The following MBD5 variants were observed in gnomAD, a reference collection of about 807,000 sequenced individuals.
MBD5 encodes the protein methyl-CpG-binding domain protein 5.
In MBD5, 13 loss-of-function variants were observed where a neutral mutation model predicts 117.3. That is an observed-to-expected ratio of 0.11 (90% CI 0.07 to 0.18). The LOEUF (loss-of-function observed/expected upper bound fraction) is 0.18. Ranked by LOEUF, MBD5 falls within the 10% of genes least tolerant of loss-of-function variation. MBD5 has a pLI of 1.00. For synonymous variants in MBD5, 727 were observed against 766.4 expected, an observed-to-expected ratio of 0.95 and a Z score of 0.85; for missense variants, 1,879 against 2,093.8, an observed-to-expected ratio of 0.90 and a Z score of 2.00.
Position 148,115,698 on chromosome 2 carries a change from T to A in MBD5, c.-924-63002T>A, listed in dbSNP as rs561277628. 2.0e-5 allele frequency among the ~76,000 whole-genome samples: 3 copies of A among 152,324 alleles called. No homozygotes were observed. The South Asian group carries it at 6.2e-4, about 32-fold the overall frequency. The stretch of plus-strand genomic sequence containing the variant: ...TAATTTATCATATCTTTTGCTGCAT[T>A]TACATTTTATATTTTCATTTACTCA... On this transcript the variant is annotated intron_variant, in intron 1 of 13. Coordinates refer to ENST00000642680, the MANE Select transcript of MBD5 (RefSeq NM_001378120.1).
intron 2 of MBD5, among the ~76,000 whole-genome samples, chr2:148,200,093 C>T (rs1464842760): frequency 6.6e-6 from 1 of 152,010 alleles, no homozygotes; most frequent in East Asian, 1.9e-4. Flanking sequence ...GTTTCCTCAC[C>T]TTCTTTAAAC....
At chr2:148,127,664 G>GCA (rs1242001461) in intron 1 of MBD5, among the ~76,000 whole-genome samples, 1 of 152,076 alleles carries the variant, frequency 6.6e-6, no homozygotes, top group Non-Finnish European at 1.5e-5. Context: ...CCATGTCTTT[G>GCA]CTATTGTGGA....
chr2:148,280,146 A>AG (rs549405899), intron 3 of MBD5, among the ~76,000 whole-genome samples: 78 of 150,636 alleles, frequency 5.2e-4, no homozygotes, highest in Non-Finnish European at 8.9e-4. Context: ...AAAAAAAAAA[A>AG]AAAACAAAAA....
chr2:148,303,600 G>A (rs1701822919), intron 3 of MBD5, among the ~76,000 whole-genome samples: 1 of 152,102 alleles, frequency 6.6e-6, no homozygotes, highest in African/African-American at 2.4e-5. Flanking sequence ...AAAAATAAAA[G>A]CATATATTCT....
At chr2:148,079,772 G>C (rs996220655) in intron 1 of MBD5, among the ~76,000 whole-genome samples, 6 of 152,006 alleles carry the variant, frequency 3.9e-5, no homozygotes, top group East Asian at 3.9e-4. Context: ...TAGTAGAATA[G>C]CTTAACCCCG....
At chr2:148,071,704 G>A (rs898269586) in intron 1 of MBD5, 6 of 152,074 alleles carry the variant, frequency 3.9e-5, no homozygotes, top group Middle Eastern at 3.4e-3. Flanking sequence ...AGTTTTCTCC[G>A]GCTTCCCTCT....
At chr2:148,396,309 G>C (rs1386969231) in intron 4 of MBD5, among the ~76,000 whole-genome samples, 1 of 152,148 alleles carries the variant, frequency 6.6e-6, no homozygotes, top group African/African-American at 2.4e-5. Context: ...GCTGGTGTTA[G>C]AGAGCAATGG....
chr2:148,404,287 A>G (rs913839091), intron 4 of MBD5, among the ~76,000 whole-genome samples: 2 of 152,194 alleles, frequency 1.3e-5, no homozygotes, highest in African/African-American at 2.4e-5. Context: ...GTATCAGTCT[A>G]AGTCCTCTTA....
intron 4 of MBD5, among the ~76,000 whole-genome samples, chr2:148,353,154 G>A (rs1703286801): frequency 6.6e-6 from 1 of 152,052 alleles, no homozygotes; most frequent in Non-Finnish European, 1.5e-5. Flanking sequence ...GTACATTAAA[G>A]GTTCTGCTTT....
chr2:148,099,447 C>T (rs1306453712), intron 1 of MBD5, among the ~76,000 whole-genome samples: 1 of 152,040 alleles, frequency 6.6e-6, no homozygotes, highest in African/African-American at 2.4e-5. Context: ...ATTAGTACTG[C>T]CTTGAAATGT....
intron 1 of MBD5, among the ~76,000 whole-genome samples, chr2:148,155,494 C>A (rs931333895): frequency 6.6e-6 from 1 of 152,280 alleles, no homozygotes; most frequent in East Asian, 1.9e-4. Context: ...TTATATCATT[C>A]TTCTCTTTGT....
intron 3 of MBD5, among the ~76,000 whole-genome samples, chr2:148,282,935 A>G (rs1273924975): frequency 7.3e-6 from 1 of 137,236 alleles, no homozygotes; most frequent in African/African-American, 2.7e-5. Flanking sequence ...AGTTGTCTCT[A>G]TACTAGTCAG....
At chr2:148,127,445 CTCA>C (rs747897076) in intron 1 of MBD5, among the ~76,000 whole-genome samples, 9 of 152,242 alleles carry the variant, frequency 5.9e-5, no homozygotes, top group Admixed American at 2.0e-4. Flanking sequence ...TCCACGTGTT[CTCA>C]TCATTCATCT....
In MBD5 at chr2:148,384,317, A is replaced by G. The variant is rs561004109; in HGVS notation, c.-557+41981A>G. Among the ~76,000 whole-genome samples the G allele has an allele frequency of 2.6e-5, 4 of 152,278 alleles. No homozygotes were observed. The South Asian group carries it at 8.3e-4, about 32-fold the overall frequency. ...TCACAAGCATTCTTATACACCAATAACAGACAAACAGAGAGCCAAATCATG... is the reference window on the plus strand; with the variant it reads ...TCACAAGCATTCTTATACACCAATAGCAGACAAACAGAGAGCCAAATCATG... On this transcript the variant is annotated intron_variant, in intron 4 of 13. Transcript: ENST00000642680.
At chr2:148,474,975 G>A (rs942957718) in intron 8 of MBD5, among the ~76,000 whole-genome samples, 1 of 152,072 alleles carries the variant, frequency 6.6e-6, no homozygotes, top group African/African-American at 2.4e-5. Context: ...AGCTACAGGG[G>A]CAGAAAGATT....
chr2:148,194,980 A>G (rs1362420962), intron 2 of MBD5, among the ~76,000 whole-genome samples: 2 of 152,194 alleles, frequency 1.3e-5, no homozygotes, highest in Middle Eastern at 3.2e-3. Flanking sequence ...AAAAGGACAC[A>G]TTATAACTAT....
intron 3 of MBD5, among the ~76,000 whole-genome samples, chr2:148,317,091 G>T (rs1345062668): frequency 1.3e-5 from 2 of 152,210 alleles, no homozygotes; most frequent in Non-Finnish European, 2.9e-5. Flanking sequence ...GCTCACACCT[G>T]TAATCCCAGC....
At chr2:148,052,539 C>A (rs1694742037) in intron 1 of MBD5, among the ~76,000 whole-genome samples, 1 of 152,024 alleles carries the variant, frequency 6.6e-6, no homozygotes, top group Non-Finnish European at 1.5e-5. Flanking sequence ...GCATTTACAG[C>A]TATAAATTTC....
chr2:148,428,816 C>T (rs1181328396), intron 4 of MBD5, among the ~76,000 whole-genome samples: 1 of 152,124 alleles, frequency 6.6e-6, no homozygotes, highest in African/African-American at 2.4e-5. Context: ...AACTGGACCC[C>T]TTCCTTATAC....
Sources: gnomAD v4.1 joint callset for allele counts (sites outside exome capture counted in the v4.1 genomes callset) on GRCh38, gnomAD v4.1.1 for gene constraint, MANE v1.5 for transcripts, NCBI Gene and HGNC (gene_info 2026-07-23, HGNC 2026-07-21) for gene names.